Variants in HAUS5 observed in about 807,000 individuals in gnomAD.
The protein encoded by HAUS5 is HAUS augmin-like complex subunit 5.
HAUS5 carries 67 observed loss-of-function variants against 94.1 expected under a neutral mutation model. The ratio of observed to expected loss-of-function variants is 0.71; its 90% CI spans 0.58 to 0.87. The LOEUF (loss-of-function observed/expected upper bound fraction) is 0.87, where lower values mean the gene tolerates loss of function less well. Among genes scored for constraint, HAUS5 ranks in the 40% least tolerant of loss-of-function variants. The pLI is 0.00. For missense variants in HAUS5, 739 were observed against 825.6 expected (o/e 0.90, Z 1.29); for synonymous variants, 339 against 355.4 (o/e 0.95, Z 0.52).
rs184382738 is a variant in HAUS5 at position 35,614,499 on chromosome 19, G to A, written c.219+440G>A. On this transcript the variant is annotated intron_variant, in intron 4 of 18. Coordinates refer to ENST00000203166, the MANE Select transcript of HAUS5 (RefSeq NM_015302.2). ...CTTGGGAGGCTGAGGCAGGAGAATC[G>A]CTTGAACCTGGGAGGCAGAGGTTGC... Among the ~76,000 whole-genome samples the A allele has an allele frequency of 3.8e-3, 575 of 152,250 alleles. 2 individuals are homozygous for A. Among genetic ancestry groups the A allele is most frequent in the African/African-American group, 0.013 (524 of 41,548 alleles).
intron 9 of HAUS5, 32 bp downstream of exon 9, chr19:35,617,944 C>T: frequency 6.2e-7 from 1 of 1,611,172 alleles, no homozygotes; most frequent in South Asian, 1.1e-5. Context: ...GAAAGCCACA[C>T]CCTCCCGCTC....
intron 1 of HAUS5, 93 bp downstream of exon 1, chr19:35,612,985 C>A: frequency 3.3e-6 from 3 of 903,398 alleles, no homozygotes; most frequent in South Asian, 1.9e-5. Context: ...TCGACTCCCC[C>A]CAATTCCCCA....
At chr19:35,622,552 C>G (rs1226341362) in intron 17 of HAUS5, 49 bp from the exon 18 acceptor site, 20 of 1,592,056 alleles carry the variant, frequency 1.3e-5, no homozygotes, top group Non-Finnish European at 1.7e-5. Context: ...CTGTAAGGTA[C>G]CAGCGAGCCA....
chr19:35,619,295 A>G, intron 13 of HAUS5, 129 bp from the exon 14 acceptor site: 1 of 790,348 alleles, frequency 1.3e-6, no homozygotes, highest in Non-Finnish European at 2.0e-6. Flanking sequence ...TGTCACTTAA[A>G]AATTAAGAAC....
At chr19:35,621,480 C>T (rs1477584929) in intron 17 of HAUS5, among the ~76,000 whole-genome samples, 2 of 152,118 alleles carry the variant, frequency 1.3e-5, no homozygotes, top group Non-Finnish European at 2.9e-5. Flanking sequence ...GTAGCTGGGA[C>T]CACAGGCATG....
rs753058003 is a variant in HAUS5 at position 35,618,375 on chromosome 19, C to G, written c.822-27C>G. On this transcript the variant is annotated intron_variant, in intron 10 of 18. Coordinates refer to ENST00000203166, the MANE Select transcript of HAUS5 (RefSeq NM_015302.2). ...ACCAAGGCAAGGCCGCAGCACGGCT[C>G]CCTCAGCAGCTCTTCCCCCACCCCA... The G allele has an allele frequency of 2.5e-6, 4 of 1,610,936 alleles. No individual in the cohort carries two copies. The African/African-American group carries it at 4.0e-5, about 16-fold the overall frequency.
chr19:35,613,572 A>T, intron 1 of HAUS5, 158 bp from the exon 2 acceptor site: 2 of 115,006 alleles, frequency 1.7e-5, no homozygotes, highest in Non-Finnish European at 3.5e-5. Flanking sequence ...CTGTCTCTTA[A>T]AAAAAAAAAA....
rs372004537 is a variant in HAUS5, at chr19:35,612,777, C to T, written c.-18C>T. ...TTGAAGAGGCTGAGGGAGGCGGTGT[C>T]GCCGCCGCGGCGCTGTCATGGAGCT... On this transcript the variant is annotated 5_prime_UTR_variant, in exon 1 of 19. Coordinates refer to ENST00000203166, the MANE Select transcript of HAUS5 (RefSeq NM_015302.2). The T allele has an allele frequency of 9.0e-4, 1,376 of 1,537,074 alleles. No homozygotes were observed. Among genetic ancestry groups the T allele is most frequent in the East Asian group, 1.3e-3 (51 of 40,202 alleles).
intron 15 of HAUS5, 42 bp from the exon 16 acceptor site, chr19:35,619,970 C>T (rs763771135): frequency 1.9e-6 from 3 of 1,594,460 alleles, no homozygotes; most frequent in South Asian, 2.2e-5. Flanking sequence ...CCCAAGGCCT[C>T]CTCTCAGTCC....
rs1459245435 is a variant in HAUS5 at position 35,620,027 on chromosome 19, C to T, written c.1422C>T (p.Pro474=). The T allele has an allele frequency of 6.2e-6, 10 of 1,613,370 alleles. No homozygotes were observed. Among genetic ancestry groups the T allele is most frequent in the East Asian group, 2.2e-5 (1 of 44,810 alleles). The change falls in exon 16 of 19, where the codon CCC becomes CCT. Residue 474 remains proline (P), a synonymous_variant. Transcript: ENST00000203166. The part of the protein sequence containing the change: ...RHRPGELKPL[P]TVLPSIHQLH... The stretch of plus-strand genomic sequence containing the variant: ...CCGCCCGTAGGTTGAAGCCCCTGCC[C>T]ACGGTCCTCCCATCCATCCACCAGC...
rs1599601912 is a variant in HAUS5 at position 35,624,450 on chromosome 19, T to TTTTCTTTTTC, written c.*1464_*1465insTTCTTTCTTT. ...GCTGGATTCTCTTAGGTGCTTTTCT[T>TTTTCTTTTTC]TTTCTTTCTTTCTTTCTTTTTTTGA... On this transcript the variant is annotated 3_prime_UTR_variant, in exon 19 of 19. Transcript: ENST00000203166. 1.3e-5 allele frequency: 2 copies of TTTTCTTTTTC among 151,104 alleles called. No homozygotes were observed. Among genetic ancestry groups the TTTTCTTTTTC allele is most frequent in the African/African-American group, 4.9e-5 (2 of 40,950 alleles). The allele number at this position is 151,104 out of a possible 1,614,324, so 9.4% of individuals were successfully genotyped here.
Position 35,623,350 on chromosome 19 carries a change from T to G in HAUS5, c.*357T>G, listed in dbSNP as rs530532001. On this transcript the variant is annotated 3_prime_UTR_variant, in exon 19 of 19. Transcript: ENST00000203166. Reference sequence around the variant, plus strand: ...GTTTACAAGATAAGGAAAATATATATGTAGTATGCTGCAAGTTAACTGCTG... The same window carrying G: ...GTTTACAAGATAAGGAAAATATATAGGTAGTATGCTGCAAGTTAACTGCTG... 1 of 202,690 alleles carries G rather than the reference T, an allele frequency of 4.9e-6. No individual in the cohort carries two copies. The highest frequency in any genetic ancestry group is 2.4e-5 in the African/African-American group (1 of 42,268). 12.6% of individuals were successfully genotyped at this position (202,690 alleles called of 1,614,324 possible).
chr19:35,617,670 CAG>C, intron 8 of HAUS5, among the ~76,000 whole-genome samples, 183 bp from the exon 9 acceptor site: 1 of 152,114 alleles, frequency 6.6e-6, no homozygotes, highest in East Asian at 1.9e-4. Flanking sequence ...GTGAAGGGTC[CAG>C]AGAGTGTCCC....
In HAUS5 at chr19:35,613,776, C is replaced by T; in HGVS notation, c.145C>T (p.His49Tyr). 2 of 1,614,178 alleles carry T rather than the reference C, an allele frequency of 1.2e-6. No individual in the cohort carries two copies. The highest frequency in any genetic ancestry group is 1.7e-6 in the Non-Finnish European group (2 of 1,180,028). Reference protein sequence around the residue: ...GADIWAYILQHVHSQRTVKKI... With the variant: ...GADIWAYILQYVHSQRTVKKI... ...TGACATCTGGGCCTACATCTTGCAG[C>T]ATGTGCACAGTCAGAGGTAAGCTGG... Residue 49 changes from histidine to tyrosine, a missense_variant, in exon 2 of 19, where the codon CAT becomes TAT. By Grantham distance (83) the His-to-Tyr change is moderately conservative. Transcript: ENST00000203166.
intron 15 of HAUS5, 110 bp downstream of exon 15, chr19:35,619,868 G>A (rs1599598260): frequency 2.0e-6 from 3 of 1,521,884 alleles, no homozygotes; most frequent in East Asian, 4.6e-5. Context: ...TTCCCAGGCT[G>A]CCAGACCTCA....
intron 15 of HAUS5, 75 bp downstream of exon 15, chr19:35,619,833 A>G: frequency 1.3e-6 from 2 of 1,504,722 alleles, no homozygotes; most frequent in Non-Finnish European, 1.8e-6. Context: ...ACCTCCTCAA[A>G]AAAGATAACC....
intron 14 of HAUS5, 29 bp from the exon 15 acceptor site, chr19:35,619,584 G>GGCCCCCCCCCCC: frequency 6.5e-6 from 10 of 1,533,854 alleles, no homozygotes; most frequent in East Asian, 2.3e-5. Flanking sequence ...ATGTTGTGAT[G>GGCCCCCCCCCCC]CCCCACCCAC....
At chr19:35,619,584 G>T in intron 14 of HAUS5, 29 bp from the exon 15 acceptor site, 1 of 1,533,894 alleles carries the variant, frequency 6.5e-7, no homozygotes, top group Non-Finnish European at 8.9e-7. Context: ...ATGTTGTGAT[G>T]CCCCACCCAC....
At chr19:35,613,634 T>A in intron 1 of HAUS5, 96 bp from the exon 2 acceptor site, 1 of 866,624 alleles carries the variant, frequency 1.2e-6, no homozygotes, top group African/African-American at 1.8e-5. Flanking sequence ...AAGTGAGAAC[T>A]CCCTAGTAAA....
Sources: allele counts gnomAD v4.1 joint callset (sites outside exome capture counted in the v4.1 genomes callset), GRCh38; gene constraint gnomAD v4.1.1; transcripts MANE v1.5; gene names NCBI Gene and HGNC (gene_info 2026-07-23, HGNC 2026-07-21).